HERC4: variants seen among roughly 807,000 people sequenced by gnomAD.
HERC4 encodes the protein HECT and RLD domain containing E3 ubiquitin protein ligase 4.
A neutral mutation model predicts 124.3 loss-of-function variants in HERC4; 28 were observed. The ratio of observed to expected loss-of-function variants is 0.23; its 90% CI spans 0.17 to 0.31. HERC4 has a LOEUF of 0.31. Among genes scored for constraint, HERC4 ranks in the 10% least tolerant of loss-of-function variants. The probability of loss-of-function intolerance (pLI) is 1.00; values close to 1 mark genes in which losing one functional copy is unlikely to be tolerated. For missense variants in HERC4, 713 were observed against 1,229.3 expected (o/e 0.58, Z 6.28); for synonymous variants, 407 against 421.5 (o/e 0.97, Z 0.42).
intron 15 of HERC4, among the ~76,000 whole-genome samples, chr10:67,976,027 C>A (rs1237328911): frequency 2.0e-5 from 3 of 151,562 alleles, no homozygotes; most frequent in Admixed American, 6.6e-5. Flanking sequence ...ATGCTACCCA[C>A]TGTTTTTTTT....
chr10:67,933,131 T>C (rs1270874438), intron 22 of HERC4, among the ~76,000 whole-genome samples: 3 of 152,186 alleles, frequency 2.0e-5, no homozygotes, highest in African/African-American at 7.2e-5. Flanking sequence ...CATGCATCCC[T>C]AAAAGGAATG....
chr10:68,041,847 C>A (rs2039784936), intron 4 of HERC4, among the ~76,000 whole-genome samples: 1 of 152,032 alleles, frequency 6.6e-6, no homozygotes, highest in Non-Finnish European at 1.5e-5. Context: ...GTAGTGACTT[C>A]AAAACAAAAC....
intron 19 of HERC4, among the ~76,000 whole-genome samples, chr10:67,951,330 T>TA (rs2033776141): frequency 6.6e-6 from 1 of 152,208 alleles, no homozygotes; most frequent in Admixed American, 6.5e-5. Flanking sequence ...ATTGTCCACT[T>TA]ACCTCAGAGG....
At chr10:68,039,251 G>A (rs2039636513) in intron 4 of HERC4, among the ~76,000 whole-genome samples, 1 of 149,924 alleles carries the variant, frequency 6.7e-6, no homozygotes. Flanking sequence ...GGGAGGCAGA[G>A]GCTGCAGTGA....
intron 23 of HERC4, among the ~76,000 whole-genome samples, chr10:67,931,105 C>T (rs562795565): frequency 9.7e-4 from 148 of 152,162 alleles, no homozygotes; most frequent in African/African-American, 3.2e-3. Flanking sequence ...CCTGCCTCAG[C>T]CTCTCGATAG....
chr10:67,982,715 G>T (rs968588023), intron 15 of HERC4, among the ~76,000 whole-genome samples: 2 of 151,744 alleles, frequency 1.3e-5, no homozygotes, highest in Admixed American at 1.3e-4. Flanking sequence ...ATCTGACAAG[G>T]GATTAATAAC....
intron 15 of HERC4, among the ~76,000 whole-genome samples, chr10:67,985,942 T>C (rs1027460006): frequency 3.9e-5 from 6 of 152,216 alleles, no homozygotes; most frequent in Admixed American, 2.6e-4. Flanking sequence ...ACTGAGGAAA[T>C]TCCCCTTAAT....
At chr10:68,046,895 C>T (rs562028786) in intron 3 of HERC4, among the ~76,000 whole-genome samples, 200 of 152,162 alleles carry the variant, frequency 1.3e-3, no homozygotes, top group Non-Finnish European at 2.4e-3. Context: ...GCAGTTGAAG[C>T]TACAGTGAGC....
In HERC4 at chr10:68,059,604, A is replaced by T. The variant is rs1367063676; in HGVS notation, c.226+13279T>A. On this transcript the variant is annotated intron_variant, in intron 3 of 24. Coordinates refer to ENST00000373700, the MANE Select transcript of HERC4 (RefSeq NM_015601.4). Reference sequence around the variant, plus strand: ...ATTATATATCATATTATATATCATAATATTATATATCATAATATTATATAT... The same window carrying T: ...ATTATATATCATATTATATATCATATTATTATATATCATAATATTATATAT... Among the ~76,000 whole-genome samples the T allele has an allele frequency of 2.3e-4, 18 of 79,778 alleles. 5 individuals are homozygous for T. The highest frequency in any genetic ancestry group is 1.3e-3 in the African/African-American group (18 of 13,414). 52.3% of individuals were successfully genotyped at this position (79,778 alleles called of 152,430 possible).
chr10:67,926,020 C>G (rs1344425608), intron 23 of HERC4, among the ~76,000 whole-genome samples: 1 of 152,168 alleles, frequency 6.6e-6, no homozygotes, highest in Non-Finnish European at 1.5e-5. Context: ...AACTATGAAA[C>G]AAGAGTTTCA....
chr10:68,046,132 CAA>C (rs532386531), intron 3 of HERC4, among the ~76,000 whole-genome samples: 7 of 131,744 alleles, frequency 5.3e-5, no homozygotes, highest in Admixed American at 7.6e-5. Context: ...CACACTGTTC[CAA>C]AAAAAAAAAA....
intron 4 of HERC4, among the ~76,000 whole-genome samples, chr10:68,041,231 A>AT (rs1249489991): frequency 6.6e-6 from 1 of 152,118 alleles, no homozygotes; most frequent in African/African-American, 2.4e-5. Context: ...ACAATTACCA[A>AT]TTTTCTATTT....
rs1265201854 is a variant in HERC4 at position 67,946,469 on chromosome 10, T to C, written c.2338-5364A>G. Among the ~76,000 whole-genome samples, 3 of 149,388 alleles carry C rather than the reference T, an allele frequency of 2.0e-5. No homozygotes were observed. The East Asian group carries it at 5.9e-4, about 30-fold the overall frequency. ...GACACATATACTGAAAATAAAGAGA[T>C]GGAAAAAGATATTCCATGCAAATGT... On this transcript the variant is annotated intron_variant, in intron 19 of 24. Transcript: ENST00000373700.
rs112685280 is a variant in HERC4 at position 68,013,239 on chromosome 10, C to T, written c.1069+787G>A. ...TCATCATTGCACACTTAGTAGACTACAATATAGTATAAATATAACTTTTAT... is the reference window on the plus strand; with the variant it reads ...TCATCATTGCACACTTAGTAGACTATAATATAGTATAAATATAACTTTTAT... On this transcript the variant is annotated intron_variant, in intron 9 of 24. Transcript: ENST00000373700. Among the ~76,000 whole-genome samples, 3 of 152,232 alleles carry T rather than the reference C, an allele frequency of 2.0e-5. 1 individual carries two copies. The highest frequency in any genetic ancestry group is 6.5e-5 in the Admixed American group (1 of 15,288).
At chr10:68,051,337 CACT>C (rs1198978243) in intron 3 of HERC4, among the ~76,000 whole-genome samples, 4 of 142,642 alleles carry the variant, frequency 2.8e-5, no homozygotes, top group African/African-American at 8.0e-5. Flanking sequence ...AAAATGTTAA[CACT>C]ATTTTTTTTT....
At chr10:67,966,965 C>T (rs1394223623) in intron 15 of HERC4, among the ~76,000 whole-genome samples, 163 bp from the exon 16 acceptor site, 2 of 152,202 alleles carry the variant, frequency 1.3e-5, no homozygotes, top group Non-Finnish European at 2.9e-5. Context: ...CGCCATTCTC[C>T]TGCCTCAGCC....
chr10:68,004,945 C>T (rs750483908), intron 9 of HERC4, among the ~76,000 whole-genome samples: 2 of 152,172 alleles, frequency 1.3e-5, no homozygotes, highest in Non-Finnish European at 2.9e-5. Flanking sequence ...GGGCACAAAG[C>T]CTAACCATAT....
At chr10:67,992,719 TACATA>T (rs1216682822) in intron 9 of HERC4, 37 bp from the exon 10 acceptor site, 10 of 1,038,504 alleles carry the variant, frequency 9.6e-6, no homozygotes, top group African/African-American at 6.5e-5. Flanking sequence ...AGCCAAGATT[TACATA>T]ACATATTTCA....
intron 4 of HERC4, among the ~76,000 whole-genome samples, chr10:68,043,674 G>C (rs184874743): frequency 2.8e-4 from 42 of 152,214 alleles, no homozygotes; most frequent in African/African-American, 9.9e-4. Flanking sequence ...AAATTAGCCA[G>C]CTGTGGTGGT....
Sources: allele counts gnomAD v4.1 joint callset (sites outside exome capture counted in the v4.1 genomes callset), GRCh38; gene constraint gnomAD v4.1.1; transcripts MANE v1.5; gene names NCBI Gene and HGNC (gene_info 2026-07-23, HGNC 2026-07-21).